Variants in NKAIN1 observed in about 807,000 individuals in gnomAD.
NKAIN1 encodes sodium/potassium transporting ATPase interacting 1.
In NKAIN1, 13 loss-of-function variants were observed where a neutral mutation model predicts 31.6. The ratio of observed to expected loss-of-function variants is 0.41; its 90% confidence interval spans 0.27 to 0.65. The LOEUF (loss-of-function observed/expected upper bound fraction) is 0.65, where lower values mean the gene tolerates loss of function less well. NKAIN1 is among the 30% of genes least tolerant of loss of function. NKAIN1 has a pLI of 0.30. For missense variants in NKAIN1, 193 were observed against 262.2 expected, an observed-to-expected ratio of 0.74 and a Z score of 1.82; for synonymous variants, 104 against 109.0, an observed-to-expected ratio of 0.95 and a Z score of 0.28.
Position 31,188,159 on chromosome 1 carries a change from T to C in NKAIN1, c.83A>G (p.Asp28Gly). Residue 28 changes from aspartate to glycine, a missense_variant, in exon 2 of 7, where the codon GAC becomes GGC. Physicochemically the swap from Asp to Gly is moderately conservative, Grantham distance 94 (BLOSUM62 -1). Transcript: ENST00000373736. ...LVAALERQIF[D>G]FLGYQWAPIL... ...GGGAGCCCACTGGTAGCCCAGGAAGTCAAAGATCTGCCGCTCCAGCGCAGC... is the reference window on the plus strand; with the variant it reads ...GGGAGCCCACTGGTAGCCCAGGAAGCCAAAGATCTGCCGCTCCAGCGCAGC... The C allele has an allele frequency of 6.4e-7, 1 of 1,551,468 alleles. No homozygotes were observed. Among genetic ancestry groups the C allele is most frequent in the Non-Finnish European group, 8.7e-7 (1 of 1,146,940 alleles).
chr1:31,200,046 C>T, intron 1 of NKAIN1, among the ~76,000 whole-genome samples: 1 of 90,100 alleles, frequency 1.1e-5, no homozygotes, highest in Non-Finnish European at 3.0e-5. Flanking sequence ...CACATGCACA[C>T]GTGCACACAC....
At chr1:31,231,685 C>G (rs1328007215) in intron 1 of NKAIN1, among the ~76,000 whole-genome samples, 3 of 106,120 alleles carry the variant, frequency 2.8e-5, no homozygotes, top group Non-Finnish European at 5.9e-5. Context: ...CGCCCGCCAC[C>G]ACGCCCGGCT....
rs1279356567 is a variant in NKAIN1, at chr1:31,181,684, G to C, written c.*19C>G. The C allele has an allele frequency of 2.7e-6, 4 of 1,457,990 alleles. No homozygotes were observed. Among genetic ancestry groups the C allele is most frequent in the Non-Finnish European group, 3.6e-6 (4 of 1,100,076 alleles). The allele number at this position is 1,457,990 out of a possible 1,614,324, so 90.3% of individuals were successfully genotyped here. ...CGGTCAGCCCAGGGCGAGGCGCCGG[G>C]GTGGGCGCGGGGCAGAGGCTACCCC... On this transcript the variant is annotated 3_prime_UTR_variant, in exon 7 of 7. Coordinates refer to ENST00000373736, the MANE Select transcript of NKAIN1 (RefSeq NM_024522.3).
intron 1 of NKAIN1, among the ~76,000 whole-genome samples, chr1:31,234,660 CA>C (rs1645681799): frequency 6.6e-6 from 1 of 150,834 alleles, no homozygotes; most frequent in Non-Finnish European, 1.5e-5. Context: ...AGAGCTGGGA[CA>C]GAAACAACCA....
rs1194320051 is a variant in NKAIN1 at position 31,184,043 on chromosome 1, G to A, written c.274-29C>T. ...GGGGCAAAGGGGCCTGGGATACTGA[G>A]TGTGAGGGAGAGGGAGGGGGGAGCT... On this transcript the variant is annotated intron_variant, in intron 3 of 6. Coordinates refer to ENST00000373736, the MANE Select transcript of NKAIN1 (RefSeq NM_024522.3). The A allele has an allele frequency of 3.1e-6, 5 of 1,596,510 alleles. No individual in the cohort carries two copies. The African/African-American group carries it at 4.0e-5, about 13-fold the overall frequency.
chr1:31,231,734 G>A (rs902225468), intron 1 of NKAIN1, among the ~76,000 whole-genome samples: 1 of 150,492 alleles, frequency 6.6e-6, no homozygotes, highest in Non-Finnish European at 1.5e-5. Flanking sequence ...GTTTCACAGT[G>A]TTAGCCAGGA....
chr1:31,193,157 C>T (rs1035231246), intron 1 of NKAIN1, among the ~76,000 whole-genome samples: 1 of 151,336 alleles, frequency 6.6e-6, no homozygotes, highest in African/African-American at 2.4e-5. Flanking sequence ...CAAGCTCTGT[C>T]TTCCAGGTTC....
chr1:31,234,280 C>T (rs1031924518), intron 1 of NKAIN1, among the ~76,000 whole-genome samples: 14 of 152,216 alleles, frequency 9.2e-5, no homozygotes, highest in Admixed American at 2.6e-4. Flanking sequence ...GAACCAGACC[C>T]TCCCGAGGAA....
intron 1 of NKAIN1, among the ~76,000 whole-genome samples, chr1:31,205,606 C>T (rs796871569): frequency 2.8e-5 from 4 of 143,202 alleles, no homozygotes; most frequent in East Asian, 2.1e-4. Context: ...CACGCCCAGC[C>T]GGACAAGTTT....
At chr1:31,229,395 G>A (rs1557663320) in intron 1 of NKAIN1, among the ~76,000 whole-genome samples, 1 of 152,012 alleles carries the variant, frequency 6.6e-6, no homozygotes, top group African/African-American at 2.4e-5. Flanking sequence ...TCTGGGGTGG[G>A]AGCAGTGCAG....
chr1:31,185,474 T>C (rs1234287954), intron 2 of NKAIN1, 147 bp from the exon 3 acceptor site: 2 of 670,812 alleles, frequency 3.0e-6, no homozygotes, highest in East Asian at 5.5e-5. Flanking sequence ...AGCTTACAAA[T>C]CATTTACACA....
chr1:31,213,993 C>A (rs1238931944), intron 1 of NKAIN1, among the ~76,000 whole-genome samples: 29 of 145,246 alleles, frequency 2.0e-4, no homozygotes, highest in Admixed American at 2.1e-4. Flanking sequence ...GCCCCTGTCT[C>A]AAAAAAAGAA....
At chr1:31,190,039 G>A (rs1188074243) in intron 1 of NKAIN1, among the ~76,000 whole-genome samples, 1 of 152,124 alleles carries the variant, frequency 6.6e-6, no homozygotes, top group Non-Finnish European at 1.5e-5. Context: ...CTCCCTCCTT[G>A]TCCTGCTGAT....
chr1:31,228,182 G>T (rs1217757580), intron 1 of NKAIN1, among the ~76,000 whole-genome samples: 1 of 152,156 alleles, frequency 6.6e-6, no homozygotes, highest in Non-Finnish European at 1.5e-5. Flanking sequence ...ATGCCTAATT[G>T]TGCATTTAAT....
intron 2 of NKAIN1, among the ~76,000 whole-genome samples, chr1:31,187,446 A>G (rs928087968): frequency 3.9e-5 from 6 of 152,168 alleles, no homozygotes; most frequent in African/African-American, 1.4e-4. Context: ...CCTCAAAGCC[A>G]CACTAGCTGC....
intron 1 of NKAIN1, among the ~76,000 whole-genome samples, chr1:31,210,733 G>A (rs912090119): frequency 2.6e-5 from 4 of 152,222 alleles, no homozygotes; most frequent in Non-Finnish European, 5.9e-5. Flanking sequence ...GCCAGGGAAA[G>A]GTTGACAGGG....
At chr1:31,232,424 T>TAGAGAGAGAGAGAGAG in intron 1 of NKAIN1, among the ~76,000 whole-genome samples, 1 of 16,922 alleles carries the variant, frequency 5.9e-5, no homozygotes. Flanking sequence ...TATATATATA[T>TAGAGAGAGAGAGAGAG]AGAGAGAGAG....
chr1:31,226,412 A>G (rs900324120), intron 1 of NKAIN1, among the ~76,000 whole-genome samples: 1 of 152,192 alleles, frequency 6.6e-6, no homozygotes, highest in African/African-American at 2.4e-5. Flanking sequence ...CTTCAAGATC[A>G]AAGTGAAGTG....
At chr1:31,218,691 CTG>C (rs1645536785) in intron 1 of NKAIN1, among the ~76,000 whole-genome samples, 5 of 152,206 alleles carry the variant, frequency 3.3e-5, no homozygotes, top group Admixed American at 3.3e-4. Context: ...CCTTGATAAA[CTG>C]TGCCCCTGTA....
Sources: allele counts gnomAD v4.1 joint callset (sites outside exome capture counted in the v4.1 genomes callset), GRCh38; gene constraint gnomAD v4.1.1; transcripts MANE v1.5; gene names NCBI Gene and HGNC (gene_info 2026-07-23, HGNC 2026-07-21).